The following IKZF2 variants were observed in gnomAD, a reference collection of about 807,000 sequenced individuals.
IKZF2 encodes zinc finger protein Helios.
In IKZF2, 15 loss-of-function variants were observed where a neutral mutation model predicts 49.2. The ratio of observed to expected loss-of-function variants is 0.30; its 90% confidence interval spans 0.20 to 0.47. The LOEUF (loss-of-function observed/expected upper bound fraction) is 0.47. Among genes scored for constraint, IKZF2 ranks in the 20% least tolerant of loss-of-function variants. The pLI, the probability that IKZF2 is intolerant of heterozygous loss-of-function variation, is 1.00. For missense variants in IKZF2, 567 were observed against 664.6 expected (o/e 0.85, Z 1.61); for synonymous variants, 227 against 221.4 (o/e 1.03, Z -0.23).
intron 4 of IKZF2, among the ~76,000 whole-genome samples, chr2:213,060,206 C>T (rs373036705): frequency 6.6e-6 from 1 of 151,178 alleles, no homozygotes; most frequent in South Asian, 2.1e-4. Flanking sequence ...AGAAACTCTC[C>T]CATGGTTTAT....
chr2:213,114,805 G>A (rs556021238), intron 4 of IKZF2, among the ~76,000 whole-genome samples: 38 of 151,876 alleles, frequency 2.5e-4, no homozygotes, highest in East Asian at 5.8e-4. Context: ...GGTAGCGCGC[G>A]CCTGTAGTCC....
chr2:213,109,202 A>C (rs2059624934), intron 4 of IKZF2, among the ~76,000 whole-genome samples: 1 of 152,112 alleles, frequency 6.6e-6, no homozygotes, highest in Admixed American at 6.6e-5. Flanking sequence ...TTAACACTTG[A>C]CCCTACCAAA....
intron 4 of IKZF2, among the ~76,000 whole-genome samples, chr2:213,075,846 A>G (rs1703202083): frequency 6.6e-6 from 1 of 152,160 alleles, no homozygotes; most frequent in Non-Finnish European, 1.5e-5. Flanking sequence ...GAATATGGAA[A>G]GAAGATTTTT....
At chr2:213,077,085 A>T (rs1418806155) in intron 4 of IKZF2, among the ~76,000 whole-genome samples, 1 of 152,224 alleles carries the variant, frequency 6.6e-6, no homozygotes, top group Non-Finnish European at 1.5e-5. Flanking sequence ...CTTAATAATT[A>T]TCCATCTTAT....
Position 213,049,753 on chromosome 2 carries a change from T to C in IKZF2, c.534A>G (p.Arg178=), listed in dbSNP as rs1700505753. The change falls in exon 6 of 9, where the codon AGA becomes AGG. Residue 178 remains arginine (R), a synonymous_variant. Transcript: ENST00000434687. ...GGTGTCCTGTGAGGGCGTCCCTTCT[T>C]CTACAGGCGTAGCTACAGAAAGGAC... ...FKCPFCSYAC[R]RRDALTGHLR... The C allele has an allele frequency of 1.9e-6, 3 of 1,609,610 alleles. No homozygotes were observed. Among genetic ancestry groups the C allele is most frequent in the Middle Eastern group, 1.7e-4 (1 of 6,018 alleles).
At chr2:213,069,385 T>C (rs1033411600) in intron 4 of IKZF2, among the ~76,000 whole-genome samples, 5 of 152,160 alleles carry the variant, frequency 3.3e-5, no homozygotes, top group South Asian at 4.1e-4. Flanking sequence ...TTTAATCTTC[T>C]TCCACCTTTA....
rs998863240 is a variant in IKZF2 at position 213,006,037 on chromosome 2, G to A, written c.*1323C>T. 1 of 151,942 alleles carries A rather than the reference G, an allele frequency of 6.6e-6. No individual in the cohort carries two copies. The highest frequency in any genetic ancestry group is 1.5e-5 in the Non-Finnish European group (1 of 67,948). 9.4% of individuals were successfully genotyped at this position (151,942 alleles called of 1,614,324 possible). On this transcript the variant is annotated 3_prime_UTR_variant, in exon 9 of 9. Transcript: ENST00000434687. ...TATTTTTTTGTTTCTTTTATCTGTT[G>A]TCCAAGGTACAGGTTACAAAGAAGT...
chr2:213,122,377 A>G (rs1014526550), intron 4 of IKZF2, among the ~76,000 whole-genome samples: 1 of 152,216 alleles, frequency 6.6e-6, no homozygotes, highest in African/African-American at 2.4e-5. Context: ...TTGCCTGATT[A>G]TCAGAATTAG....
chr2:213,056,977 T>C lies in IKZF2; in HGVS notation c.262A>G (p.Ser88Gly). The change falls in exon 5 of 9, where the codon AGC becomes GGC. Residue 88 changes from serine (S) to glycine (G), a missense_variant. Around this residue, in one of 5 missense-constraint regions of IKZF2, gnomAD observed 156 missense variants for 138.5 expected, o/e 1.13. Transcript: ENST00000434687. ...SSLEEPLIES[S>G]EVADNRKVQE... Reference sequence around the variant, plus strand: ...ACTTTCCTGTTGTCAGCCACCTCGCTGCTCTCAATTAGGGGTTCTTCTAGG... The same window carrying C: ...ACTTTCCTGTTGTCAGCCACCTCGCCGCTCTCAATTAGGGGTTCTTCTAGG... The C allele has an allele frequency of 6.2e-7, 1 of 1,613,896 alleles. No individual in the cohort carries two copies. The highest frequency in any genetic ancestry group is 2.2e-5 in the East Asian group (1 of 44,858).
rs1279646852 is a variant in IKZF2, at chr2:213,126,124, T to G, written c.139+21584A>C. Reference sequence around the variant, plus strand: ...TTTAGACTGCTCTTTAGCCCCACACTATGTCAGAATTTTGTAATGCTGGCC... The same window carrying G: ...TTTAGACTGCTCTTTAGCCCCACACGATGTCAGAATTTTGTAATGCTGGCC... On this transcript the variant is annotated intron_variant, in intron 4 of 8. Coordinates refer to ENST00000434687, the MANE Select transcript of IKZF2 (RefSeq NM_001387220.1). 4.6e-5 allele frequency among the ~76,000 whole-genome samples: 7 copies of G among 152,266 alleles called. No individual in the cohort carries two copies. The East Asian group carries it at 1.4e-3, about 29-fold the overall frequency.
intron 7 of IKZF2, among the ~76,000 whole-genome samples, chr2:213,017,424 T>C (rs1182203301): frequency 6.6e-6 from 1 of 152,186 alleles, no homozygotes; most frequent in Non-Finnish European, 1.5e-5. Context: ...CATTTACCTT[T>C]CTTTCTTCTA....
At chr2:213,108,316 T>C (rs1245890821) in intron 4 of IKZF2, among the ~76,000 whole-genome samples, 32 of 152,212 alleles carry the variant, frequency 2.1e-4, no homozygotes. Context: ...ATATTTTACA[T>C]AATATAAAAT....
At chr2:213,012,038 A>G (rs1696021624) in intron 8 of IKZF2, among the ~76,000 whole-genome samples, 1 of 152,018 alleles carries the variant, frequency 6.6e-6, no homozygotes, top group African/African-American at 2.4e-5. Context: ...ATTGGTCTGG[A>G]GAATTTGATA....
In IKZF2 at chr2:213,072,596, C is replaced by T. The variant is rs182678602; in HGVS notation, c.140-15497G>A. ...TCTACATACTGACTTTAGTTACAAA[C>T]TTTTATAAGCCTTAGTGAATTTCAG... On this transcript the variant is annotated intron_variant, in intron 4 of 8. Coordinates refer to ENST00000434687, the MANE Select transcript of IKZF2 (RefSeq NM_001387220.1). Among the ~76,000 whole-genome samples the T allele has an allele frequency of 2.0e-3, 304 of 151,104 alleles. 2 individuals carry two copies. Among genetic ancestry groups the T allele is most frequent in the Non-Finnish European group, 9.4e-4 (64 of 67,782 alleles).
chr2:213,053,773 C>T (rs924865345), intron 5 of IKZF2, among the ~76,000 whole-genome samples: 4 of 152,014 alleles, frequency 2.6e-5, no homozygotes, highest in African/African-American at 4.8e-5. Flanking sequence ...CTGGAGTATC[C>T]GATGACAATA....
intron 4 of IKZF2, among the ~76,000 whole-genome samples, chr2:213,095,574 T>A (rs1705879032): frequency 6.6e-6 from 1 of 152,048 alleles, no homozygotes; most frequent in Admixed American, 6.6e-5. Flanking sequence ...TTTAAAACCA[T>A]GCATATGTTA....
Position 213,007,267 on chromosome 2 carries a change from T to C in IKZF2, c.*93A>G. ...ATAATATTAAAAAAAATAAAAGGTATGTCAACATTTGAGGAAAGGTGGGAT... is the reference window on the plus strand; with the variant it reads ...ATAATATTAAAAAAAATAAAAGGTACGTCAACATTTGAGGAAAGGTGGGAT... On this transcript the variant is annotated 3_prime_UTR_variant, in exon 9 of 9. Coordinates refer to ENST00000434687, the MANE Select transcript of IKZF2 (RefSeq NM_001387220.1). The C allele has an allele frequency of 7.6e-7, 1 of 1,324,196 alleles. No homozygotes were observed. Among genetic ancestry groups the C allele is most frequent in the Non-Finnish European group, 1.0e-6 (1 of 963,878 alleles). 82.0% of individuals were successfully genotyped at this position (1,324,196 alleles called of 1,614,324 possible). A position where few individuals can be genotyped will look rare whatever the true frequency, so the allele number is the denominator to read the frequency against.
chr2:213,050,433 C>T (rs1455294088), intron 5 of IKZF2, among the ~76,000 whole-genome samples: 2 of 152,080 alleles, frequency 1.3e-5, no homozygotes, highest in African/African-American at 2.4e-5. Context: ...TGAAAGAGAC[C>T]TTCAGTCTAA....
intron 6 of IKZF2, among the ~76,000 whole-genome samples, chr2:213,028,703 T>C (rs1043798847): frequency 6.6e-6 from 1 of 152,130 alleles, no homozygotes; most frequent in Admixed American, 6.6e-5. Context: ...TTTGATTTAA[T>C]CTCAGTATGT....
Sources: allele counts gnomAD v4.1 joint callset (sites outside exome capture counted in the v4.1 genomes callset), GRCh38; gene constraint gnomAD v4.1.1; regional missense constraint gnomAD v4.1.1; transcripts MANE v1.5; gene names NCBI Gene and HGNC (gene_info 2026-07-23, HGNC 2026-07-21).